GALNT11: variants seen among roughly 807,000 people sequenced by gnomAD.
GALNT11 encodes UDP-GalNAc:polypeptide N-acetylgalactosaminyltransferase 11.
GALNT11 carries 47 observed loss-of-function variants against 72.7 expected under a neutral mutation model. That is an observed-to-expected ratio of 0.65 (90% CI 0.51 to 0.82). GALNT11 has a LOEUF of 0.82. GALNT11 is among the 40% of genes least tolerant of loss of function. The probability of loss-of-function intolerance (pLI) is 0.00; values close to 1 mark genes in which losing one functional copy is unlikely to be tolerated. For missense variants in GALNT11, 677 were observed against 778.4 expected, an observed-to-expected ratio of 0.87 and a Z score of 1.55; for synonymous variants, 270 against 286.6, an observed-to-expected ratio of 0.94 and a Z score of 0.58.
chr7:152,046,370 G>A (rs1013067092), intron 1 of GALNT11, among the ~76,000 whole-genome samples: 2 of 152,056 alleles, frequency 1.3e-5, no homozygotes, highest in Non-Finnish European at 2.9e-5. Flanking sequence ...TTTTTTGTCT[G>A]GATGATCTGT....
intron 1 of GALNT11, among the ~76,000 whole-genome samples, chr7:152,029,187 A>G (rs896165704): frequency 5.3e-5 from 8 of 152,222 alleles, no homozygotes; most frequent in Non-Finnish European, 1.2e-4. Context: ...GAGGAGGTCT[A>G]GGCCTCGGTG....
intron 3 of GALNT11, among the ~76,000 whole-genome samples, chr7:152,102,008 A>C (rs901309436): frequency 1.3e-5 from 2 of 152,140 alleles, no homozygotes; most frequent in Admixed American, 1.3e-4. Context: ...GATTTGATAC[A>C]TGGAAGCTCT....
chr7:152,040,314 T>C (rs1000523712), intron 1 of GALNT11, among the ~76,000 whole-genome samples: 4 of 152,108 alleles, frequency 2.6e-5, no homozygotes, highest in African/African-American at 7.2e-5. Context: ...ATGTGTGACA[T>C]CCATTTGCCA....
At chr7:152,035,357 G>A (rs1001098091) in intron 1 of GALNT11, among the ~76,000 whole-genome samples, 1 of 152,184 alleles carries the variant, frequency 6.6e-6, no homozygotes, top group African/African-American at 2.4e-5. Flanking sequence ...TTCCAGAAGC[G>A]GGACTAGCCT....
At chr7:152,101,514 A>G (rs1210607425) in intron 3 of GALNT11, among the ~76,000 whole-genome samples, 1 of 151,804 alleles carries the variant, frequency 6.6e-6, no homozygotes, top group Non-Finnish European at 1.5e-5. Context: ...GGGGCATAGT[A>G]CTGGAGTGGT....
At chr7:152,116,949 T>C in intron 8 of GALNT11, 1 of 678,836 alleles carries the variant, frequency 1.5e-6, no homozygotes, top group South Asian at 1.5e-5. Flanking sequence ...TCCGTAATTT[T>C]TAAGAACATC....
At chr7:152,056,194 G>T (rs1026591254) in intron 1 of GALNT11, among the ~76,000 whole-genome samples, 2 of 152,164 alleles carry the variant, frequency 1.3e-5, no homozygotes, top group Admixed American at 6.5e-5. Context: ...TTAGAATCCA[G>T]CCCCAGCATC....
At chr7:152,032,777 C>T (rs1380293822) in intron 1 of GALNT11, among the ~76,000 whole-genome samples, 2 of 152,118 alleles carry the variant, frequency 1.3e-5, no homozygotes, top group Non-Finnish European at 2.9e-5. Flanking sequence ...TAACTTGTTC[C>T]CCATATTCAT....
At chr7:152,091,086 C>T (rs981090165) in intron 1 of GALNT11, among the ~76,000 whole-genome samples, 13 of 151,600 alleles carry the variant, frequency 8.6e-5, no homozygotes, top group African/African-American at 2.4e-4. Flanking sequence ...CTCACTCTGT[C>T]GCCCAAGCTG....
At chr7:152,098,188 ACAC>A (rs1436655178) in intron 2 of GALNT11, among the ~76,000 whole-genome samples, 1 of 152,136 alleles carries the variant, frequency 6.6e-6, no homozygotes, top group Non-Finnish European at 1.5e-5. Flanking sequence ...ATGGTGGCTC[ACAC>A]CTGTTATCCC....
rs573295554 is a variant in GALNT11, at chr7:152,117,672, A to G, written c.1452+297A>G. 2.8e-5 allele frequency: 10 copies of G among 351,786 alleles called. No homozygotes were observed. In the East Asian group the frequency reaches 4.5e-4, roughly 16 times the overall value. The allele number at this position is 351,786 out of a possible 1,614,324, so 21.8% of individuals were successfully genotyped here. A position where few individuals can be genotyped will look rare whatever the true frequency, so the allele number is the denominator to read the frequency against. On this transcript the variant is annotated intron_variant, in intron 9 of 11. Coordinates refer to ENST00000430044, the MANE Select transcript of GALNT11 (RefSeq NM_022087.4). ...CCGGACAGAGGCCATGGAAGTGTCA[A>G]CTTCGTGTGTCAGAGGCCAGGCCAA...
chr7:152,038,654 A>G (rs1414822628), intron 1 of GALNT11, among the ~76,000 whole-genome samples: 3 of 152,246 alleles, frequency 2.0e-5, no homozygotes, highest in Non-Finnish European at 4.4e-5. Context: ...AAGCAAAGGC[A>G]GGTTTGTCAT....
At chr7:152,118,911 GTGTTGCGTTAT>G in intron 10 of GALNT11, 129 bp downstream of exon 10, 1 of 639,178 alleles carries the variant, frequency 1.6e-6, no homozygotes, top group African/African-American at 1.9e-5. Context: ...TTTCTGTGTA[GTGTTGCGTTAT>G]TGGAACGCTA....
rs538691928 is a variant in GALNT11, at chr7:152,061,598, A to G, written c.-38-32592A>G. On this transcript the variant is annotated intron_variant, in intron 1 of 11. Transcript: ENST00000430044. ...GCCTAGGTTTTCTTCTAGGGTTTTTATGGTTTTAGGTCTAACATTTAAGTC... is the reference window on the plus strand; with the variant it reads ...GCCTAGGTTTTCTTCTAGGGTTTTTGTGGTTTTAGGTCTAACATTTAAGTC... 7.9e-5 allele frequency among the ~76,000 whole-genome samples: 12 copies of G among 152,264 alleles called. No homozygotes were observed. In the East Asian group the frequency reaches 2.3e-3, roughly 29 times the overall value.
chr7:152,099,342 TTTTATTTATTTATTTATTTA>T (rs143805862), intron 2 of GALNT11, among the ~76,000 whole-genome samples: 7 of 143,638 alleles, frequency 4.9e-5, no homozygotes, highest in South Asian at 2.2e-4. Context: ...AAAAATGGAC[TTTTATTTATTTATTTATTTA>T]TTTATTTATT....
chr7:152,084,909 T>C (rs2085548602), intron 1 of GALNT11, among the ~76,000 whole-genome samples: 1 of 151,310 alleles, frequency 6.6e-6, no homozygotes, highest in Non-Finnish European at 1.5e-5. Context: ...TGGGTTCACA[T>C]ACCTGTAAAG....
chr7:152,083,352 ACT>A (rs1281556478), intron 1 of GALNT11, among the ~76,000 whole-genome samples: 5 of 151,772 alleles, frequency 3.3e-5, no homozygotes, highest in African/African-American at 9.7e-5. Context: ...GGAGGAGTAG[ACT>A]CTGTTGTTTT....
At chr7:152,121,130 T>C (rs1446546095) in intron 11 of GALNT11, among the ~76,000 whole-genome samples, 162 bp downstream of exon 11, 1 of 152,234 alleles carries the variant, frequency 6.6e-6, no homozygotes, top group Non-Finnish European at 1.5e-5. Flanking sequence ...CTGTATATAC[T>C]GTATTTCTTT....
chr7:152,093,098 A>T (rs907363275), intron 1 of GALNT11, among the ~76,000 whole-genome samples: 2 of 152,076 alleles, frequency 1.3e-5, no homozygotes, highest in Non-Finnish European at 2.9e-5. Flanking sequence ...GTATGGTGGC[A>T]CGCACCTGTA....
Sources: gnomAD v4.1 joint callset for allele counts (sites outside exome capture counted in the v4.1 genomes callset) on GRCh38, gnomAD v4.1.1 for gene constraint, MANE v1.5 for transcripts, NCBI Gene and HGNC (gene_info 2026-07-23, HGNC 2026-07-21) for gene names.